F13A1: variants seen among roughly 807,000 people sequenced by gnomAD.
The protein encoded by F13A1 is coagulation factor XIII A chain, also known as FSF, A subunit.
F13A1 carries 47 observed loss-of-function variants against 80.1 expected under a neutral mutation model. The observed-to-expected ratio is 0.59, with a 90% CI of 0.46 to 0.75. The LOEUF is 0.75. F13A1 is among the 30% of genes least tolerant of loss of function. F13A1 has a pLI of 0.00. For missense variants in F13A1, 817 were observed against 930.4 expected (o/e 0.88, Z 1.59); for synonymous variants, 349 against 344.9 (o/e 1.01, Z -0.13).
At position 6,250,894 on chromosome 6, in the gene F13A1, C is replaced by T; in HGVS notation, c.607G>A (p.Glu203Lys). 1.2e-6 allele frequency: 2 copies of T among 1,613,236 alleles called. No homozygotes were observed. The highest frequency in any genetic ancestry group is 1.7e-6 in the Non-Finnish European group (2 of 1,179,498). The change falls in exon 5 of 15, where the codon GAA becomes AAA. Residue 203 changes from glutamate to lysine, a missense_variant. Coordinates refer to ENST00000264870, the MANE Select transcript of F13A1 (RefSeq NM_000129.4). This position sits in a 1 kb window ranked among gnomAD's most constrained non-coding sequence, Gnocchi z 4.2. ...AVYLDNEKER[E>K]EYVLNDIGVI... ...CCGATGTCATTCAGGACATACTCTT[C>T]TCTTTCTTTCTCATTGTCCAGATAC...
intron 11 of F13A1, among the ~76,000 whole-genome samples, chr6:6,178,008 T>C (rs1421181419): frequency 7.9e-6 from 1 of 126,162 alleles, no homozygotes; most frequent in African/African-American, 3.1e-5. Flanking sequence ...AGAGGCTTTG[T>C]GAGTTAGGAC....
intron 3 of F13A1, among the ~76,000 whole-genome samples, chr6:6,267,752 AG>A (rs1757865953): frequency 6.6e-6 from 1 of 152,216 alleles, no homozygotes; most frequent in Non-Finnish European, 1.5e-5. Flanking sequence ...AAAAAAAATA[AG>A]GGATGAAAGG....
chr6:6,149,920 A>G (rs181522948), intron 14 of F13A1, among the ~76,000 whole-genome samples: 15 of 152,306 alleles, frequency 9.8e-5, no homozygotes, highest in African/African-American at 3.4e-4. Context: ...CTCCACTCCA[A>G]TGTCAGACAT....
At position 6,243,169 on chromosome 6, in the gene F13A1, C is replaced by A. The variant is rs1757506376; in HGVS notation, c.798+5143G>T. ...CCACCACCACCACATTACGCCATCACCACCACTACCACCATCACTCCCACC... is the reference window on the plus strand; with the variant it reads ...CCACCACCACCACATTACGCCATCAACACCACTACCACCATCACTCCCACC... On this transcript the variant is annotated intron_variant, in intron 6 of 14. Transcript: ENST00000264870. The surrounding 1 kb of genome is among the most constrained non-coding windows in gnomAD (Gnocchi z 4.2). Among the ~76,000 whole-genome samples the A allele has an allele frequency of 6.6e-6, 1 of 151,566 alleles. No homozygotes were observed. Among genetic ancestry groups the A allele is most frequent in the African/African-American group, 2.4e-5 (1 of 41,222 alleles).
At chr6:6,289,672 G>GA (rs139153355) in intron 3 of F13A1, among the ~76,000 whole-genome samples, 2,140 of 151,966 alleles carry the variant, frequency 0.014, 50 homozygotes, top group African/African-American at 0.047. Flanking sequence ...CTAAAAAGTA[G>GA]AAAAAAATCA....
chr6:6,166,925 G>A (rs1389338973), intron 13 of F13A1, among the ~76,000 whole-genome samples: 2 of 152,184 alleles, frequency 1.3e-5, no homozygotes, highest in Non-Finnish European at 2.9e-5. Flanking sequence ...AACCTTCTAG[G>A]GGTGTTGGAA....
chr6:6,306,387 G>C (rs768846137), intron 2 of F13A1, among the ~76,000 whole-genome samples: 18 of 152,172 alleles, frequency 1.2e-4, no homozygotes, highest in Non-Finnish European at 2.4e-4. Flanking sequence ...TCATAGAATG[G>C]AGACACTAAT....
At chr6:6,146,457 C>A (rs945281891) in intron 14 of F13A1, among the ~76,000 whole-genome samples, 4 of 152,174 alleles carry the variant, frequency 2.6e-5, no homozygotes, top group African/African-American at 4.8e-5. Flanking sequence ...GTGTTCTCCT[C>A]TTCCTCCCAG....
intron 14 of F13A1, 47 bp downstream of exon 14, chr6:6,151,766 C>T: frequency 1.2e-6 from 2 of 1,613,148 alleles, no homozygotes; most frequent in East Asian, 2.2e-5. Context: ...GAGAAAGCTT[C>T]CCACAGCCCT....
chr6:6,169,677 G>C (rs1169870061), intron 12 of F13A1, among the ~76,000 whole-genome samples: 1 of 152,116 alleles, frequency 6.6e-6, no homozygotes, highest in East Asian at 1.9e-4. Flanking sequence ...GGGGTGGAGG[G>C]TGGGTTACTA....
chr6:6,153,794 C>G (rs1213944603), intron 13 of F13A1, among the ~76,000 whole-genome samples: 1 of 152,158 alleles, frequency 6.6e-6, no homozygotes, highest in African/African-American at 2.4e-5. Flanking sequence ...AGCTGACAAC[C>G]ATAATTCACA....
chr6:6,194,790 G>T (rs946365163), intron 10 of F13A1, among the ~76,000 whole-genome samples: 2 of 152,160 alleles, frequency 1.3e-5, no homozygotes, highest in Non-Finnish European at 2.9e-5. Flanking sequence ...ATAACTATTT[G>T]TTCCTCCTGG....
At position 6,248,381 on chromosome 6, in the gene F13A1, C is replaced by T. The variant is rs952779640; in HGVS notation, c.729G>A (p.Met243Ile). 6.2e-7 allele frequency: 1 copy of T among 1,613,728 alleles called. No homozygotes were observed. Among genetic ancestry groups the T allele is most frequent in the African/African-American group, 1.3e-5 (1 of 74,892 alleles). The stretch of plus-strand genomic sequence containing the variant: ...CAGAGAGGTCCATTTGTGCTCTGTC[C>T]ATCACATACAGGCAAGTGTCCAGGA... Reference protein sequence around the residue: ...DGILDTCLYVMDRAQMDLSGR... With the variant: ...DGILDTCLYVIDRAQMDLSGR... The change falls in exon 6 of 15, where the codon ATG becomes ATA. Residue 243 changes from methionine (M) to isoleucine (I), a missense_variant. Physicochemically the swap from Met to Ile is conservative, Grantham distance 10. Transcript: ENST00000264870.
intron 3 of F13A1, among the ~76,000 whole-genome samples, chr6:6,290,620 G>A (rs1758209935): frequency 6.6e-6 from 1 of 152,154 alleles, no homozygotes; most frequent in Non-Finnish European, 1.5e-5. Flanking sequence ...ATTTGATGAT[G>A]GAACTTTTTT....
chr6:6,189,894 C>A (rs1303049647), intron 10 of F13A1, among the ~76,000 whole-genome samples: 3 of 152,116 alleles, frequency 2.0e-5, no homozygotes, highest in African/African-American at 7.2e-5. Context: ...TTCACATAGT[C>A]CCATATTTCT....
chr6:6,180,316 G>A (rs1760957413), intron 11 of F13A1, among the ~76,000 whole-genome samples: 3 of 152,192 alleles, frequency 2.0e-5, no homozygotes, highest in Non-Finnish European at 4.4e-5. Flanking sequence ...GTGCCCGGCA[G>A]CACCCGTCCA....
At chr6:6,211,124 T>G (rs1194601030) in intron 8 of F13A1, among the ~76,000 whole-genome samples, 2 of 152,246 alleles carry the variant, frequency 1.3e-5, no homozygotes, top group Non-Finnish European at 2.9e-5. Context: ...GGACCTTGGT[T>G]AAGTTACCGT....
At chr6:6,257,840 G>C (rs190571028) in intron 4 of F13A1, among the ~76,000 whole-genome samples, 28 of 152,298 alleles carry the variant, frequency 1.8e-4, no homozygotes, top group African/African-American at 6.7e-4. Context: ...AGTGTACTGA[G>C]ATATCTTCAG....
At chr6:6,260,327 G>A (rs1452254489) in intron 4 of F13A1, among the ~76,000 whole-genome samples, 1 of 152,148 alleles carries the variant, frequency 6.6e-6, no homozygotes, top group Non-Finnish European at 1.5e-5. Context: ...TAAGTGCTGT[G>A]CATGCTGCTG....
Sources: gnomAD v4.1 joint callset for allele counts (sites outside exome capture counted in the v4.1 genomes callset) on GRCh38, gnomAD v4.1.1 for gene constraint, Gnocchi (gnomAD v3.1) non-coding constraint, MANE v1.5 for transcripts, NCBI Gene and HGNC (gene_info 2026-07-23, HGNC 2026-07-21) for gene names.